Variants in HTR2C observed in about 807,000 individuals in gnomAD.
HTR2C encodes the protein 5-hydroxytryptamine receptor 2C, also known as 5-hydroxytryptamine (serotonin) receptor 2C, G protein-coupled.
In HTR2C, 5 loss-of-function variants were observed where a neutral mutation model predicts 21.0. The ratio of observed to expected loss-of-function variants is 0.24; its 90% CI spans 0.12 to 0.50. The LOEUF (loss-of-function observed/expected upper bound fraction) is 0.50, where lower values mean the gene tolerates loss of function less well. Ranked by LOEUF, HTR2C falls within the 20% of genes least tolerant of loss-of-function variation. The pLI is 0.98. For missense variants in HTR2C, 271 were observed against 371.2 expected (o/e 0.73, Z 2.22); for synonymous variants, 150 against 145.3 (o/e 1.03, Z -0.23).
chrX:114,638,780 G>GT (rs2147823523), intron 2 of HTR2C, among the ~76,000 whole-genome samples: 1 of 98,870 alleles, frequency 1.0e-5, no homozygotes, highest in African/African-American at 3.7e-5. Flanking sequence ...GCAGTGTTTG[G>GT]TTTTTTGTTC....
intron 4 of HTR2C, among the ~76,000 whole-genome samples, chrX:114,807,975 CTTAG>C (rs2070495606): frequency 2.7e-5 from 3 of 110,775 alleles, no homozygotes; most frequent in Middle Eastern, 4.8e-3. Context: ...CCGCCCCATT[CTTAG>C]TTATTTTTAA....
chrX:114,885,489 C>A (rs1414060136), intron 5 of HTR2C, among the ~76,000 whole-genome samples: 3 of 111,059 alleles, frequency 2.7e-5, no homozygotes, highest in African/African-American at 9.8e-5. Context: ...TTTTTAAAAT[C>A]CAAATTTAAA....
chrX:114,684,645 CT>C (rs1931854955), intron 2 of HTR2C, among the ~76,000 whole-genome samples: 1 of 111,049 alleles, frequency 9.0e-6, no homozygotes, highest in Non-Finnish European at 1.9e-5. Flanking sequence ...TTATGAGACT[CT>C]TTACAAACAC....
chrX:114,711,718 A>G (rs1044518729), intron 2 of HTR2C, among the ~76,000 whole-genome samples: 20 of 112,126 alleles, frequency 1.8e-4, no homozygotes, highest in African/African-American at 6.5e-4. Flanking sequence ...CCTGCCATTT[A>G]TCAGAAAAAA....
Position 114,747,820 on chromosome X carries a change from C to A in HTR2C, c.349+16213C>A, listed in dbSNP as rs782628078. Among the ~76,000 whole-genome samples, 2 of 112,247 alleles carry A rather than the reference C, an allele frequency of 1.8e-5. 1 individual carries two copies. Among genetic ancestry groups the A allele is most frequent in the South Asian group, 7.4e-4 (2 of 2,714 alleles). ...CCCAGGCCTTCAATCCAAAAGCCAGCAAATTATATGAGCTGCATGAGTGAA... is the reference window on the plus strand; with the variant it reads ...CCCAGGCCTTCAATCCAAAAGCCAGAAAATTATATGAGCTGCATGAGTGAA... On this transcript the variant is annotated intron_variant, in intron 4 of 5. Coordinates refer to ENST00000276198, the MANE Select transcript of HTR2C (RefSeq NM_000868.4).
chrX:114,874,793 G>A (rs188895562), intron 5 of HTR2C, among the ~76,000 whole-genome samples: 509 of 111,376 alleles, frequency 4.6e-3, no homozygotes, highest in Middle Eastern at 0.014. Context: ...ACAGGTGTGA[G>A]CCACCGCACC....
chrX:114,603,984 G>A (rs1335207390), intron 1 of HTR2C, among the ~76,000 whole-genome samples: 2 of 105,181 alleles, frequency 1.9e-5, no homozygotes, highest in African/African-American at 6.9e-5. Context: ...AAAAGGCCAT[G>A]CTGTAGCAGG....
At chrX:114,867,697 G>T (rs1045098411) in intron 5 of HTR2C, among the ~76,000 whole-genome samples, 2 of 111,900 alleles carry the variant, frequency 1.8e-5, no homozygotes, top group Admixed American at 9.5e-5. Context: ...GTGATAGACA[G>T]GGGTCTAGTT....
chrX:114,744,820 A>G (rs2069686815), intron 4 of HTR2C, among the ~76,000 whole-genome samples: 1 of 112,189 alleles, frequency 8.9e-6, no homozygotes, highest in Admixed American at 9.5e-5. Flanking sequence ...CAATTTAAAA[A>G]GAGAGAAAAC....
chrX:114,586,083 A>G (rs952768999), intron 1 of HTR2C, among the ~76,000 whole-genome samples: 2 of 112,035 alleles, frequency 1.8e-5, no homozygotes, highest in Non-Finnish European at 3.8e-5. Context: ...GACAATCAAA[A>G]TATGAGTGCA....
intron 2 of HTR2C, among the ~76,000 whole-genome samples, chrX:114,641,062 TTTC>T (rs200087172): frequency 9.7e-6 from 1 of 103,572 alleles, no homozygotes; most frequent in African/African-American, 3.8e-5. Flanking sequence ...CTTTTTTTCT[TTTC>T]TTTTCTTTTC....
intron 2 of HTR2C, among the ~76,000 whole-genome samples, chrX:114,722,693 A>C (rs1454771585): frequency 1.6e-4 from 17 of 104,732 alleles, no homozygotes; most frequent in Admixed American, 1.6e-3. Context: ...CATCCCATCA[A>C]TACCTAATTT....
intron 2 of HTR2C, among the ~76,000 whole-genome samples, chrX:114,699,335 C>T (rs1264212570): frequency 9.0e-6 from 1 of 111,170 alleles, no homozygotes; most frequent in East Asian, 2.8e-4. Context: ...TTGAAGAAAC[C>T]ACATTTGACC....
chrX:114,795,860 A>G (rs966424555), intron 4 of HTR2C, among the ~76,000 whole-genome samples: 3 of 111,044 alleles, frequency 2.7e-5, no homozygotes, highest in East Asian at 5.7e-4. Flanking sequence ...AAACAGACCA[A>G]CTCACCACAA....
At chrX:114,727,118 G>A in intron 3 of HTR2C, 147 bp downstream of exon 3, 1 of 360,720 alleles carries the variant, frequency 2.8e-6, no homozygotes. Flanking sequence ...TAATATTATG[G>A]GTGTTTCCTA....
chrX:114,702,834 C>T (rs1432240368), intron 2 of HTR2C, among the ~76,000 whole-genome samples: 1 of 106,575 alleles, frequency 9.4e-6, no homozygotes, highest in Non-Finnish European at 1.9e-5. Context: ...TGCAGAGACA[C>T]ACATAGGCTC....
In HTR2C at chrX:114,848,022, T is replaced by A. The variant is rs2070887814; in HGVS notation, c.369T>A (p.Pro123=). 1 of 1,205,042 alleles carries A rather than the reference T, an allele frequency of 8.3e-7. No homozygotes were observed. Among genetic ancestry groups the A allele is most frequent in the African/African-American group, 1.7e-5 (1 of 57,275 alleles). The change falls in exon 5 of 6, where the codon CCT becomes CCA. Residue 123 remains proline, a synonymous_variant. Transcript: ENST00000276198. The part of the protein sequence containing the change: ...AILYDYVWPL[P]RYLCPVWISL... ...TTTCAGATTATGTCTGGCCACTACC[T>A]AGATATTTGTGCCCCGTCTGGATTT...
chrX:114,806,945 C>CATATATATACCATATGTATATACCAT (rs199859134), intron 4 of HTR2C, among the ~76,000 whole-genome samples: 16 of 74,243 alleles, frequency 2.2e-4, no homozygotes, highest in East Asian at 1.3e-3. Context: ...ATGTATATAC[C>CATATATATACCATATGTATATACCAT]ATATATACCA....
At chrX:114,703,110 G>A (rs1272497996) in intron 2 of HTR2C, among the ~76,000 whole-genome samples, 1 of 106,358 alleles carries the variant, frequency 9.4e-6, no homozygotes, top group Non-Finnish European at 1.9e-5. Flanking sequence ...CAATAATAAT[G>A]GGAGACTTTA....
Sources: allele counts gnomAD v4.1 joint callset (sites outside exome capture counted in the v4.1 genomes callset), GRCh38; gene constraint gnomAD v4.1.1; transcripts MANE v1.5; gene names NCBI Gene and HGNC (gene_info 2026-07-23, HGNC 2026-07-21).